ATP2B2: variants seen among roughly 807,000 people sequenced by gnomAD.
ATP2B2 encodes the protein plasma membrane calcium-transporting ATPase 2.
In ATP2B2, 15 loss-of-function variants were observed where a neutral mutation model predicts 120.0. That is an observed-to-expected ratio of 0.12 (90% CI 0.08 to 0.19). The LOEUF is 0.19. Ranked by LOEUF, ATP2B2 falls within the 10% of genes least tolerant of loss-of-function variation. ATP2B2 has a pLI of 1.00. For synonymous variants in ATP2B2, 694 were observed against 700.3 expected, an observed-to-expected ratio of 0.99 and a Z score of 0.14; for missense variants, 1,045 against 1,719.8, an observed-to-expected ratio of 0.61 and a Z score of 6.94.
chr3:10,593,606 A>G (rs1035231191), intron 2 of ATP2B2, among the ~76,000 whole-genome samples: 2 of 152,214 alleles, frequency 1.3e-5, no homozygotes, highest in Non-Finnish European at 2.9e-5. Flanking sequence ...AAAACCATAA[A>G]AACCCTAGAA....
intron 5 of ATP2B2, among the ~76,000 whole-genome samples, chr3:10,397,011 A>C (rs2062060811): frequency 6.6e-6 from 1 of 152,168 alleles, no homozygotes. Context: ...ATCCACTTAC[A>C]TCATATCATG....
At chr3:10,500,205 T>C (rs2125402294) in intron 1 of ATP2B2, among the ~76,000 whole-genome samples, 1 of 152,204 alleles carries the variant, frequency 6.6e-6, no homozygotes, top group African/African-American at 2.4e-5. Context: ...CCCAAAGTGC[T>C]TGGATTACAG....
intron 1 of ATP2B2, among the ~76,000 whole-genome samples, chr3:10,659,797 T>G (rs2070733189): frequency 6.6e-6 from 1 of 152,220 alleles, no homozygotes; most frequent in Non-Finnish European, 1.5e-5. Context: ...TATACATTCT[T>G]CTCAGCACCA....
intron 2 of ATP2B2, among the ~76,000 whole-genome samples, chr3:10,588,901 A>T (rs2068577886): frequency 6.6e-6 from 1 of 152,238 alleles, no homozygotes; most frequent in African/African-American, 2.4e-5. Context: ...TCTGGATTCA[A>T]AGAGAGTTGT....
intron 2 of ATP2B2, among the ~76,000 whole-genome samples, chr3:10,618,397 C>T (rs2069454597): frequency 6.6e-6 from 1 of 152,174 alleles, no homozygotes; most frequent in Non-Finnish European, 1.5e-5. Context: ...TCACTGAGCC[C>T]CAGGCATGAA....
Position 10,680,685 on chromosome 3 carries a change from A to G in ATP2B2, c.-460+27230T>C, listed in dbSNP as rs376561751. Among the ~76,000 whole-genome samples, 103 of 152,240 alleles carry G rather than the reference A, an allele frequency of 6.8e-4. 1 individual carries two copies. In the East Asian group the frequency reaches 0.01, roughly 15 times the overall value. ...GTGGTTACTGATCCTCTCATTGATTAATAGAAACCTTTTACACATTCGTCC... is the reference window on the plus strand; with the variant it reads ...GTGGTTACTGATCCTCTCATTGATTGATAGAAACCTTTTACACATTCGTCC... On this transcript the variant is annotated intron_variant, in intron 1 of 21. Coordinates refer to the ATP2B2 transcript ENST00000646379.
chr3:10,610,108 T>C (rs201869297), intron 2 of ATP2B2, among the ~76,000 whole-genome samples: 5 of 147,406 alleles, frequency 3.4e-5, no homozygotes, highest in Non-Finnish European at 7.4e-5. Context: ...CACACATATA[T>C]ACACATATAT....
intron 1 of ATP2B2, among the ~76,000 whole-genome samples, chr3:10,640,571 G>C (rs930425447): frequency 6.6e-6 from 1 of 152,174 alleles, no homozygotes; most frequent in Non-Finnish European, 1.5e-5. Flanking sequence ...TCTGAGACCT[G>C]GGCGAGGCCA....
intron 2 of ATP2B2, among the ~76,000 whole-genome samples, chr3:10,603,079 A>G (rs1371651577): frequency 6.6e-6 from 1 of 152,236 alleles, no homozygotes; most frequent in Non-Finnish European, 1.5e-5. Flanking sequence ...GTGAGAAACG[A>G]TGATGAGGTG....
intron 1 of ATP2B2, among the ~76,000 whole-genome samples, chr3:10,682,001 G>T (rs1187704484): frequency 6.6e-6 from 1 of 152,212 alleles, no homozygotes; most frequent in East Asian, 1.9e-4. Flanking sequence ...AGGCAGTCAG[G>T]GAAGGCTGCC....
chr3:10,429,287 T>C, intron 2 of ATP2B2, among the ~76,000 whole-genome samples: 1 of 152,240 alleles, frequency 6.6e-6, no homozygotes, highest in Non-Finnish European at 1.5e-5. Context: ...ACCTACTTTA[T>C]TGTGCTTCAC....
In ATP2B2 at chr3:10,531,684, A is replaced by G. The variant is rs562007876; in HGVS notation, c.-320+2355T>C. 2.6e-5 allele frequency among the ~76,000 whole-genome samples: 4 copies of G among 152,068 alleles called. No individual in the cohort carries two copies. In the South Asian group the frequency reaches 8.3e-4, roughly 32 times the overall value. ...GGCAATCCAGGCGTTGGACTTAACC[A>G]CTCTGGGCCTTGCTTTCCTCTTCTG... is the stretch of plus-strand genomic sequence containing the variant. On this transcript the variant is annotated intron_variant, in intron 3 of 21. Coordinates refer to the ATP2B2 transcript ENST00000646379.
At chr3:10,370,625 C>T (rs1287327695) in intron 12 of ATP2B2, among the ~76,000 whole-genome samples, 3 of 152,232 alleles carry the variant, frequency 2.0e-5, no homozygotes, top group Non-Finnish European at 4.4e-5. Context: ...CCTCCTTCCC[C>T]TACCAGCCCT....
chr3:10,534,514 G>A lies in ATP2B2; in HGVS notation c.-414-381C>T, dbSNP rs78409155. On this transcript the variant is annotated intron_variant, in intron 2 of 21. Coordinates refer to the ATP2B2 transcript ENST00000646379. ...CACCTACTACATTCCAGCTACTCTG[G>A]TAAACACTTTACATAAATTATCTTT... Among the ~76,000 whole-genome samples the A allele has an allele frequency of 3.8e-3, 576 of 152,332 alleles. 19 individuals carry two copies. The East Asian group carries it at 0.088, about 23-fold the overall frequency.
At chr3:10,409,703 G>C (rs2062540982) in intron 3 of ATP2B2, among the ~76,000 whole-genome samples, 1 of 152,068 alleles carries the variant, frequency 6.6e-6, no homozygotes, top group Non-Finnish European at 1.5e-5. Context: ...GCTTGGGAGG[G>C]GGCAGGACAA....
intron 3 of ATP2B2, among the ~76,000 whole-genome samples, chr3:10,516,363 G>A (rs1432060451): frequency 6.6e-6 from 1 of 152,234 alleles, no homozygotes; most frequent in Non-Finnish European, 1.5e-5. Context: ...GGAGGGCAGT[G>A]CCGGACGAGG....
chr3:10,476,204 T>C (rs2065196361), intron 1 of ATP2B2, among the ~76,000 whole-genome samples: 1 of 152,208 alleles, frequency 6.6e-6, no homozygotes. Context: ...TATGACAGGT[T>C]GCCCCAGATC....
At chr3:10,386,425 C>A (rs1444205124) in intron 7 of ATP2B2, 55 bp downstream of exon 7, 9 of 1,594,418 alleles carry the variant, frequency 5.6e-6, no homozygotes, top group East Asian at 4.5e-5. Flanking sequence ...GCCCAATGAC[C>A]AAAGCCTGCT....
Position 10,635,324 on chromosome 3 carries a change from G to A in ATP2B2, c.-459-15363C>T, listed in dbSNP as rs1451563776. ...TGAAGCCCCGGGTTTGGAGTCTCTG[G>A]TTGAGAGTTCCAGTGGTTAGGAATG... On this transcript the variant is annotated intron_variant, in intron 1 of 21. Transcript: ENST00000646379. The surrounding 1 kb of genome is among the most constrained non-coding windows in gnomAD (Gnocchi z 4.3). 6.6e-6 allele frequency among the ~76,000 whole-genome samples: 1 copy of A among 152,110 alleles called. No homozygotes were observed. Among genetic ancestry groups the A allele is most frequent in the East Asian group, 1.9e-4 (1 of 5,184 alleles).
Sources: gnomAD v4.1 joint callset for allele counts (sites outside exome capture counted in the v4.1 genomes callset) on GRCh38, gnomAD v4.1.1 for gene constraint, Gnocchi (gnomAD v3.1) non-coding constraint, MANE v1.5 for transcripts, NCBI Gene and HGNC (gene_info 2026-07-23, HGNC 2026-07-21) for gene names.